The following POU6F2 variants were observed in gnomAD, a reference collection of about 807,000 sequenced individuals.
POU6F2 encodes POU domain, class 6, transcription factor 2.
Under a neutral mutation model 71.3 loss-of-function variants are expected in POU6F2, and 31 were observed. That is an observed-to-expected ratio of 0.43 (90% CI 0.33 to 0.59). POU6F2 has a LOEUF of 0.59. POU6F2 is among the 20% of genes least tolerant of loss of function. The pLI is 0.04. For missense variants in POU6F2, 783 were observed against 856.8 expected (o/e 0.91, Z 1.07); for synonymous variants, 347 against 355.7 (o/e 0.98, Z 0.27).
chr7:39,281,440 C>T (rs918011776), intron 4 of POU6F2, among the ~76,000 whole-genome samples: 4 of 152,158 alleles, frequency 2.6e-5, no homozygotes, highest in Non-Finnish European at 5.9e-5. Flanking sequence ...TGGCCAGTCT[C>T]TCTTTATCCC....
At chr7:39,343,271 C>T (rs533296009) in intron 5 of POU6F2, among the ~76,000 whole-genome samples, 1 of 152,172 alleles carries the variant, frequency 6.6e-6, no homozygotes, top group African/African-American at 2.4e-5. Context: ...GGATGGAGAG[C>T]AGTCCATACT....
chr7:39,347,423 G>A (rs1786052341), intron 5 of POU6F2, among the ~76,000 whole-genome samples: 1 of 152,128 alleles, frequency 6.6e-6, no homozygotes, highest in Non-Finnish European at 1.5e-5. Flanking sequence ...GAGGTACGGG[G>A]CATTTCTGAG....
intron 1 of POU6F2, among the ~76,000 whole-genome samples, chr7:38,982,495 T>C (rs1185673307): frequency 6.6e-6 from 1 of 152,162 alleles, no homozygotes; most frequent in Admixed American, 6.5e-5. Flanking sequence ...CTTCACTTAA[T>C]ATTTCATTCA....
chr7:39,319,875 T>TA, intron 4 of POU6F2, among the ~76,000 whole-genome samples: 1 of 152,230 alleles, frequency 6.6e-6, no homozygotes. Context: ...AATTACTATT[T>TA]AAAATCATAT....
chr7:39,034,653 C>A (rs1342356432), intron 1 of POU6F2, among the ~76,000 whole-genome samples: 1 of 152,070 alleles, frequency 6.6e-6, no homozygotes, highest in Non-Finnish European at 1.5e-5. Context: ...TTAAAGTGGA[C>A]ACTGCTGGGT....
intron 4 of POU6F2, among the ~76,000 whole-genome samples, chr7:39,271,712 T>C (rs556008097): frequency 4.3e-4 from 66 of 152,320 alleles, no homozygotes; most frequent in Middle Eastern, 3.4e-3. Flanking sequence ...GTCAGTAACA[T>C]GCCTATATGC....
intron 4 of POU6F2, among the ~76,000 whole-genome samples, chr7:39,319,457 A>T (rs367624011): frequency 6.6e-6 from 1 of 152,164 alleles, no homozygotes; most frequent in East Asian, 1.9e-4. Context: ...TGGCCTCTCA[A>T]ATACAGATCC....
chr7:39,428,675 T>G lies in POU6F2; in HGVS notation c.1114-4402T>G, dbSNP rs149757679. ...TGGACACTAAGCAGCATCCTAGGTCTACAACTGATTTCCAGATCTGTAGTC... is the reference window on the plus strand; with the variant it reads ...TGGACACTAAGCAGCATCCTAGGTCGACAACTGATTTCCAGATCTGTAGTC... On this transcript the variant is annotated intron_variant, in intron 6 of 9. Coordinates refer to ENST00000518318, the MANE Select transcript of POU6F2 (RefSeq NM_001370959.1). Among the ~76,000 whole-genome samples the G allele has an allele frequency of 4.3e-3, 649 of 152,250 alleles. 6 individuals are homozygous for G. Among genetic ancestry groups the G allele is most frequent in the African/African-American group, 0.015 (611 of 41,544 alleles).
chr7:39,001,350 G>C (rs1381799313), intron 1 of POU6F2, among the ~76,000 whole-genome samples: 1 of 151,916 alleles, frequency 6.6e-6, no homozygotes, highest in Admixed American at 6.6e-5. Context: ...TCGAGTACTT[G>C]TTATGGGTCA....
chr7:39,421,988 C>T (rs533576687), intron 6 of POU6F2, among the ~76,000 whole-genome samples: 4 of 152,270 alleles, frequency 2.6e-5, no homozygotes, highest in Non-Finnish European at 5.9e-5. Context: ...TAAAGGCTCA[C>T]GAAGTTGGTC....
Position 39,220,142 on chromosome 7 carries a change from G to A in POU6F2, c.598+12522G>A, listed in dbSNP as rs894381262. 3.9e-5 allele frequency among the ~76,000 whole-genome samples: 6 copies of A among 152,100 alleles called. No individual in the cohort carries two copies. In the South Asian group the frequency reaches 6.2e-4, roughly 16 times the overall value. On this transcript the variant is annotated intron_variant, in intron 4 of 9. Transcript: ENST00000518318. ...TCAGAAGGCAACCCCAGCAGCAGCCGCGACTGGAGTTTTATTTCCTTTGAT... is the reference window on the plus strand; with the variant it reads ...TCAGAAGGCAACCCCAGCAGCAGCCACGACTGGAGTTTTATTTCCTTTGAT...
chr7:39,247,477 GAAGA>G (rs886660898), intron 4 of POU6F2, among the ~76,000 whole-genome samples: 6 of 144,660 alleles, frequency 4.1e-5, no homozygotes, highest in Admixed American at 7.1e-5. Context: ...AAGAGAGAAA[GAAGA>G]AAGAAAGAAA....
chr7:39,465,738 A>C lies in POU6F2; in HGVS notation c.*1052A>C, dbSNP rs2116186481. On this transcript the variant is annotated 3_prime_UTR_variant, in exon 10 of 10. Transcript: ENST00000518318. ...ACTGGCATAAGCTGTAATTGTGCTC[A>C]CTGTCCACACCAGAGCTTGGGATTT... is the stretch of plus-strand genomic sequence containing the variant. 6.6e-6 allele frequency: 1 copy of C among 152,296 alleles called. No individual in the cohort carries two copies. The highest frequency in any genetic ancestry group is 1.5e-5 in the Non-Finnish European group (1 of 68,016). The allele number at this position is 152,296 out of a possible 1,614,324, so 9.4% of individuals were successfully genotyped here.
rs543970425 is a variant in POU6F2, at chr7:39,413,603, T to C, written c.1113+6863T>C. On this transcript the variant is annotated intron_variant, in intron 6 of 9. Transcript: ENST00000518318. The stretch of plus-strand genomic sequence containing the variant: ...TTGTATTGTCTCATTTGCAATGTCA[T>C]TGTAGCAAATTTTATTTTAAAAGGT... Among the ~76,000 whole-genome samples, 14 of 152,326 alleles carry C rather than the reference T, an allele frequency of 9.2e-5. No individual in the cohort carries two copies. The South Asian group carries it at 2.7e-3, about 29-fold the overall frequency.
intron 5 of POU6F2, among the ~76,000 whole-genome samples, chr7:39,352,791 G>C (rs760890848): frequency 3.3e-5 from 5 of 151,894 alleles, no homozygotes; most frequent in African/African-American, 4.8e-5. Flanking sequence ...GTGCAGGTTT[G>C]TTACAAAGGT....
chr7:39,213,856 A>G (rs886445786), intron 4 of POU6F2, among the ~76,000 whole-genome samples: 1 of 152,084 alleles, frequency 6.6e-6, no homozygotes, highest in Non-Finnish European at 1.5e-5. Context: ...ACCTTTGGCC[A>G]CTGTTCTCTT....
chr7:39,105,434 G>GT (rs11318695), intron 2 of POU6F2, among the ~76,000 whole-genome samples: 200 of 145,822 alleles, frequency 1.4e-3, no homozygotes, highest in Middle Eastern at 7.2e-3. Context: ...TTAACCTCAG[G>GT]TTTTTTTTTT....
At chr7:39,117,816 C>T (rs75791317) in intron 2 of POU6F2, among the ~76,000 whole-genome samples, 2,131 of 152,260 alleles carry the variant, frequency 0.014, 52 homozygotes, top group African/African-American at 0.048. Context: ...GAGCAACTCT[C>T]CCCCACCTAT....
chr7:39,453,306 T>C (rs965887198), intron 8 of POU6F2, among the ~76,000 whole-genome samples: 2 of 145,774 alleles, frequency 1.4e-5, no homozygotes, highest in Admixed American at 6.8e-5. Flanking sequence ...TTCCCCTAAT[T>C]AAAAAAAAAA....
Sources: allele counts gnomAD v4.1 joint callset (sites outside exome capture counted in the v4.1 genomes callset), GRCh38; gene constraint gnomAD v4.1.1; transcripts MANE v1.5; gene names NCBI Gene and HGNC (gene_info 2026-07-23, HGNC 2026-07-21).